ERC2: variants seen among roughly 807,000 people sequenced by gnomAD.
ERC2 encodes the protein ELKS/RAB6-interacting/CAST family member 2.
In ERC2, 42 loss-of-function variants were observed where a neutral mutation model predicts 114.8. That is an observed-to-expected ratio of 0.37 (90% confidence interval 0.29 to 0.47). ERC2 has a LOEUF of 0.47. Ranked by LOEUF, ERC2 falls within the 20% of genes least tolerant of loss-of-function variation. The pLI is 0.99. For missense variants in ERC2, 939 were observed against 1,150.7 expected (o/e 0.82, Z 2.66); for synonymous variants, 454 against 425.5 (o/e 1.07, Z -0.82).
intron 7 of ERC2, among the ~76,000 whole-genome samples, chr3:56,062,676 C>T (rs2076293980): frequency 6.6e-6 from 1 of 152,112 alleles, no homozygotes; most frequent in South Asian, 2.1e-4. Flanking sequence ...CACACATATG[C>T]ATGCCTTTCC....
At chr3:56,247,369 T>C (rs1191875707) in intron 3 of ERC2, among the ~76,000 whole-genome samples, 1 of 152,248 alleles carries the variant, frequency 6.6e-6, no homozygotes, top group African/African-American at 2.4e-5. Flanking sequence ...TTAATAAATC[T>C]AAAAATGACC....
intron 2 of ERC2, among the ~76,000 whole-genome samples, chr3:56,427,295 G>T (rs2061609543): frequency 6.6e-6 from 1 of 152,050 alleles, no homozygotes; most frequent in South Asian, 2.1e-4. Context: ...TTGGTTGATT[G>T]GTTGGTTGGT....
chr3:55,991,907 C>T (rs931923965), intron 11 of ERC2, 150 bp downstream of exon 11: 12 of 649,450 alleles, frequency 1.8e-5, no homozygotes, highest in African/African-American at 1.3e-4. Context: ...TCCACAGAAA[C>T]GTCATCTTTC....
At chr3:55,601,919 C>T (rs990107017) in intron 17 of ERC2, among the ~76,000 whole-genome samples, 2 of 152,180 alleles carry the variant, frequency 1.3e-5, no homozygotes, top group African/African-American at 4.8e-5. Context: ...AAGTACTCCA[C>T]TTCCTTTTTA....
rs779782916 is a variant in ERC2 at position 56,434,584 on chromosome 3, C to A, written c.424G>T (p.Val142Leu). 3.7e-6 allele frequency: 6 copies of A among 1,613,826 alleles called. No individual in the cohort carries two copies. Among genetic ancestry groups the A allele is most frequent in the Non-Finnish European group, 5.1e-6 (6 of 1,179,906 alleles). The change falls in exon 2 of 18, where the codon GTA (valine) becomes TTA (leucine). Residue 142 changes from valine (V) to leucine (L), a missense_variant. Physicochemically the swap from Val to Leu is conservative, Grantham distance 32. Around this residue, in one of 5 missense-constraint regions of ERC2, gnomAD observed 281 missense variants for 307.4 expected, o/e 0.91. Transcript: ENST00000288221. ...AGATCTAACATTGTGCTGTCTCTTA[C>A]CTGCCTCAACATGGAGGGGACCTGG... ...HHQVPSMLRQ[V>L]RDSTMLDLQA...
At chr3:55,845,332 G>C (rs909782581) in intron 14 of ERC2, among the ~76,000 whole-genome samples, 2 of 151,844 alleles carry the variant, frequency 1.3e-5, no homozygotes, top group Non-Finnish European at 2.9e-5. Flanking sequence ...GTGAAACCCC[G>C]TCTCTGCTAA....
At chr3:56,029,237 G>C (rs1353706935) in intron 7 of ERC2, among the ~76,000 whole-genome samples, 2 of 151,092 alleles carry the variant, frequency 1.3e-5, no homozygotes, top group Non-Finnish European at 2.9e-5. Flanking sequence ...AAATTCATGA[G>C]AGACAGTCAT....
At chr3:56,175,084 T>C (rs761209296) in intron 3 of ERC2, among the ~76,000 whole-genome samples, 1 of 152,214 alleles carries the variant, frequency 6.6e-6, no homozygotes, top group Non-Finnish European at 1.5e-5. Context: ...GGCAATCTTT[T>C]GCCCACATCC....
At chr3:56,358,553 T>C (rs1359881189) in intron 2 of ERC2, among the ~76,000 whole-genome samples, 3 of 152,246 alleles carry the variant, frequency 2.0e-5, no homozygotes, top group Non-Finnish European at 2.9e-5. Flanking sequence ...GTAATGCAAC[T>C]ATCACCTAAC....
chr3:55,768,036 C>T (rs977716521), intron 14 of ERC2, among the ~76,000 whole-genome samples: 3 of 152,108 alleles, frequency 2.0e-5, no homozygotes, highest in Non-Finnish European at 4.4e-5. Context: ...GTGTGTAGCA[C>T]CTCCTTCTCC....
chr3:56,377,342 A>T (rs575392139), intron 2 of ERC2, among the ~76,000 whole-genome samples: 147 of 152,312 alleles, frequency 9.7e-4, no homozygotes, highest in African/African-American at 3.3e-3. Context: ...TTGTCTGTGC[A>T]ATGTCTATAA....
intron 15 of ERC2, among the ~76,000 whole-genome samples, chr3:55,732,790 G>C (rs1392376746): frequency 6.6e-6 from 1 of 152,234 alleles, no homozygotes; most frequent in Non-Finnish European, 1.5e-5. Flanking sequence ...GGTGGCCAAA[G>C]TCTGGAACCA....
intron 17 of ERC2, among the ~76,000 whole-genome samples, chr3:55,604,543 A>T (rs537065048): frequency 2.2e-4 from 34 of 152,170 alleles, no homozygotes; most frequent in African/African-American, 7.7e-4. Context: ...AAAGAAGGCC[A>T]GTGCAGCATG....
intron 17 of ERC2, among the ~76,000 whole-genome samples, chr3:55,552,697 T>G (rs1225707024): frequency 6.6e-6 from 1 of 151,554 alleles, no homozygotes; most frequent in Admixed American, 6.6e-5. Context: ...AGCATTTATA[T>G]CTTACAATTT....
intron 2 of ERC2, among the ~76,000 whole-genome samples, chr3:56,406,026 G>T (rs555815840): frequency 1.3e-4 from 19 of 151,454 alleles, no homozygotes; most frequent in Admixed American, 7.9e-4. Context: ...CCTAGTGGCT[G>T]AGACTACAAG....
Position 56,051,347 on chromosome 3 carries a change from G to GTAAAACTTAA in ERC2, c.1641+29460_1641+29469dup, listed in dbSNP as rs1192303071. ...CAGGGGATTACATGATAAGCCAGCTGTAAAACTTAATTCTAAACTGAAACT... is the reference window on the plus strand; with the variant it reads ...CAGGGGATTACATGATAAGCCAGCTGTAAAACTTAATAAAACTTAATTCTAAACTGAAACT... On this transcript the variant is annotated intron_variant, in intron 7 of 17. Transcript: ENST00000288221. Among the ~76,000 whole-genome samples the GTAAAACTTAA allele has an allele frequency of 1.6e-4, 24 of 152,262 alleles. No individual in the cohort carries two copies. The East Asian group carries it at 4.6e-3, about 29-fold the overall frequency.
At chr3:55,769,725 C>T (rs867143834) in intron 14 of ERC2, among the ~76,000 whole-genome samples, 5 of 152,090 alleles carry the variant, frequency 3.3e-5, no homozygotes, top group Admixed American at 6.5e-5. Context: ...CCATAAAAGA[C>T]GGTATTCATC....
rs566744545 is a variant in ERC2, at chr3:56,007,421, A to G, written c.1921-100T>C. 1.9e-4 allele frequency: 208 copies of G among 1,082,272 alleles called. No individual in the cohort carries two copies. In the African/African-American group the frequency reaches 3.0e-3, roughly 16 times the overall value. The allele number at this position is 1,082,272 out of a possible 1,614,324, so 67.0% of individuals were successfully genotyped here. A position where few individuals can be genotyped will look rare whatever the true frequency, so the allele number is the denominator to read the frequency against. On this transcript the variant is annotated intron_variant, in intron 9 of 17. Transcript: ENST00000288221. ...TTCTATACATAGCAATAAAGTGTGCAGTAGACAGAAAGGGTAAATATAATC... is the reference window on the plus strand; with the variant it reads ...TTCTATACATAGCAATAAAGTGTGCGGTAGACAGAAAGGGTAAATATAATC...
chr3:56,433,171 T>A, intron 2 of ERC2, among the ~76,000 whole-genome samples: 2 of 112,990 alleles, frequency 1.8e-5, no homozygotes, highest in African/African-American at 3.8e-5. Flanking sequence ...AGCAAGACCC[T>A]GTCTCTTAAA....
Sources: gnomAD v4.1 joint callset for allele counts (sites outside exome capture counted in the v4.1 genomes callset) on GRCh38, gnomAD v4.1.1 for gene constraint, gnomAD v4.1.1 regional missense constraint, MANE v1.5 for transcripts, NCBI Gene and HGNC (gene_info 2026-07-23, HGNC 2026-07-21) for gene names.